Variants in RYR2 observed in about 807,000 individuals in gnomAD.
The protein encoded by RYR2 is cardiac muscle ryanodine receptor-calcium release channel.
A neutral mutation model predicts 601.1 loss-of-function variants in RYR2; 227 were observed. That is an observed-to-expected ratio of 0.38 (90% CI 0.34 to 0.42). The LOEUF is 0.42. Among genes scored for constraint, RYR2 ranks in the 10% least tolerant of loss-of-function variants. The pLI is 1.00. For synonymous variants in RYR2, 2,223 were observed against 2,175.1 expected, an observed-to-expected ratio of 1.02 and a Z score of -0.61; for missense variants, 4,646 against 6,156.5, an observed-to-expected ratio of 0.75 and a Z score of 8.21.
chr1:237,406,062 A>G (rs866287387), intron 10 of RYR2, among the ~76,000 whole-genome samples: 2 of 151,174 alleles, frequency 1.3e-5, no homozygotes, highest in Admixed American at 6.6e-5. Flanking sequence ...CTGAATTCTT[A>G]CTCAGCTCCA....
At chr1:237,697,793 C>T (rs1365098115) in intron 63 of RYR2, among the ~76,000 whole-genome samples, 2 of 151,774 alleles carry the variant, frequency 1.3e-5, no homozygotes, top group African/African-American at 4.8e-5. Flanking sequence ...TGCCAATGGA[C>T]AGGAAAATAA....
intron 3 of RYR2, among the ~76,000 whole-genome samples, chr1:237,352,558 A>G (rs1698948769): frequency 6.6e-6 from 1 of 152,158 alleles, no homozygotes; most frequent in Non-Finnish European, 1.5e-5. Context: ...CTCAATCAAA[A>G]TCCCAGCAGG....
Position 237,387,378 on chromosome 1 carries a change from A to G in RYR2, c.674A>G (p.Gln225Arg). ...ATCAGCTCAGGAAGTGAGGCAGCCC[A>G]AGGTAAAAACTCCACTTCAATTAGA... ...APISSGSEAA[Q>R]GYLIGGDVLR... The change falls in exon 9 of 105, where the codon CAA becomes CGA. Residue 225 changes from glutamine (Q) to arginine (R), a missense_variant and splice_region_variant. By Grantham distance (43) the Gln-to-Arg change is conservative. Transcript: ENST00000366574. The G allele has an allele frequency of 6.2e-7, 1 of 1,613,838 alleles. No individual in the cohort carries two copies. The highest frequency in any genetic ancestry group is 8.5e-7 in the Non-Finnish European group (1 of 1,179,748).
intron 79 of RYR2, among the ~76,000 whole-genome samples, chr1:237,739,863 C>G (rs971317066): frequency 6.6e-6 from 1 of 152,176 alleles, no homozygotes; most frequent in African/African-American, 2.4e-5. Flanking sequence ...TACTGGCAAG[C>G]TGAAGAGCCC....
At chr1:237,082,991 C>T (rs1431965098) in intron 1 of RYR2, among the ~76,000 whole-genome samples, 1 of 152,160 alleles carries the variant, frequency 6.6e-6, no homozygotes, top group Non-Finnish European at 1.5e-5. Flanking sequence ...AGCCCTTGCA[C>T]ACTTTCTTCT....
At chr1:237,574,326 T>TGGGGAAGCCC (rs1429582949) in intron 29 of RYR2, among the ~76,000 whole-genome samples, 2 of 152,200 alleles carry the variant, frequency 1.3e-5, no homozygotes, top group Non-Finnish European at 2.9e-5. Flanking sequence ...AAATCAGGAT[T>TGGGGAAGCCC]GGGGAAGCCC....
chr1:237,410,655 C>T (rs978355502), intron 10 of RYR2, among the ~76,000 whole-genome samples: 12 of 151,972 alleles, frequency 7.9e-5, no homozygotes, highest in Non-Finnish European at 1.2e-4. Context: ...CTCGCAAAAC[C>T]GAAAATATTT....
intron 102 of RYR2, among the ~76,000 whole-genome samples, chr1:237,828,657 G>A (rs188874167): frequency 3.0e-4 from 45 of 152,268 alleles, no homozygotes; most frequent in Middle Eastern, 6.8e-3. Context: ...TGCAAACAGC[G>A]ATAGGACACC....
At chr1:237,330,775 C>A (rs894290678) in intron 2 of RYR2, 103 bp from the exon 3 acceptor site, 10 of 827,168 alleles carry the variant, frequency 1.2e-5, no homozygotes, top group Non-Finnish European at 2.1e-5. Context: ...AGAAAGTTGA[C>A]AAATACTGTT....
chr1:237,050,685 G>T (rs1235911651), intron 1 of RYR2, among the ~76,000 whole-genome samples: 4 of 152,110 alleles, frequency 2.6e-5, no homozygotes, highest in African/African-American at 9.7e-5. Context: ...CATAACCAAA[G>T]ATATAAACTG....
intron 25 of RYR2, among the ~76,000 whole-genome samples, chr1:237,543,589 A>G (rs1411711598): frequency 6.6e-6 from 1 of 152,034 alleles, no homozygotes; most frequent in African/African-American, 2.4e-5. Context: ...TACAGCTAAC[A>G]CTCCCTGAAC....
intron 17 of RYR2, among the ~76,000 whole-genome samples, chr1:237,489,663 GA>G (rs1663104738): frequency 6.6e-6 from 1 of 151,772 alleles, no homozygotes. Flanking sequence ...ATCTCAAAAA[GA>G]AAAAAGGCTT....
At chr1:237,095,100 TG>T (rs1257756741) in intron 1 of RYR2, among the ~76,000 whole-genome samples, 1 of 152,262 alleles carries the variant, frequency 6.6e-6, no homozygotes, top group Admixed American at 6.5e-5. Context: ...ATTAAAATGT[TG>T]AAAATAAGAC....
chr1:237,726,178 C>G (rs1690177385), intron 74 of RYR2, 95 bp from the exon 75 acceptor site: 1 of 859,394 alleles, frequency 1.2e-6, no homozygotes, highest in African/African-American at 1.7e-5. Flanking sequence ...ATGTTTACTT[C>G]AGACATTATT....
chr1:237,786,133 A>G lies in RYR2; in HGVS notation c.13328+97A>G, dbSNP rs1031934233. The G allele has an allele frequency of 7.8e-5, 59 of 757,044 alleles. No individual in the cohort carries two copies. The Middle Eastern group carries it at 1.4e-3, about 18-fold the overall frequency. 46.9% of individuals were successfully genotyped at this position (757,044 alleles called of 1,614,324 possible). A position where few individuals can be genotyped will look rare whatever the true frequency, so the allele number is the denominator to read the frequency against. On this transcript the variant is annotated intron_variant, in intron 91 of 104. Coordinates refer to ENST00000366574, the MANE Select transcript of RYR2 (RefSeq NM_001035.3). ...TTTGGGAGCTGCAAGGGAGAATCTC[A>G]TATTGTCAAGGAGCCACAGAACTAA...
intron 53 of RYR2, among the ~76,000 whole-genome samples, 186 bp from the exon 54 acceptor site, chr1:237,657,758 C>T (rs984414187): frequency 2.6e-5 from 4 of 151,688 alleles, no homozygotes; most frequent in African/African-American, 9.7e-5. Context: ...GCAGATAGAA[C>T]ATTATCTGCT....
At position 237,307,584 on chromosome 1, in the gene RYR2, T is replaced by C. The variant is rs528859935; in HGVS notation, c.169-23294T>C. Among the ~76,000 whole-genome samples, 6 of 152,372 alleles carry C rather than the reference T, an allele frequency of 3.9e-5. No individual in the cohort carries two copies. In the South Asian group the frequency reaches 1.2e-3, roughly 32 times the overall value. ...TCTACTTTTTGAAATTTGTCATTTA[T>C]TTATCAAGCTAACTTGAGTTTTGTT... On this transcript the variant is annotated intron_variant, in intron 2 of 104. Transcript: ENST00000366574.
intron 100 of RYR2, among the ~76,000 whole-genome samples, chr1:237,813,026 T>G (rs1424980804): frequency 6.6e-6 from 1 of 152,076 alleles, no homozygotes; most frequent in African/African-American, 2.4e-5. Flanking sequence ...CTCCCACGCC[T>G]ATTCATTCAT....
chr1:237,100,446 G>A (rs568008842), intron 1 of RYR2, among the ~76,000 whole-genome samples: 5 of 151,516 alleles, frequency 3.3e-5, no homozygotes, highest in African/African-American at 1.2e-4. Flanking sequence ...GAGTGCAGTG[G>A]TGTGATCTCG....
Sources: gnomAD v4.1 joint callset for allele counts (sites outside exome capture counted in the v4.1 genomes callset) on GRCh38, gnomAD v4.1.1 for gene constraint, MANE v1.5 for transcripts, NCBI Gene and HGNC (gene_info 2026-07-23, HGNC 2026-07-21) for gene names.